Variants in ANKS3 observed in about 807,000 individuals in gnomAD.
The protein encoded by ANKS3 is ankyrin repeat and SAM domain-containing protein 3.
In ANKS3, 62 loss-of-function variants were observed where a neutral mutation model predicts 80.7. The observed-to-expected ratio is 0.77, with a 90% CI of 0.63 to 0.95. The LOEUF is 0.95. Ranked by LOEUF, ANKS3 falls within the 40% of genes least tolerant of loss-of-function variation. The pLI is 0.00. For missense variants in ANKS3, 1,150 were observed against 883.6 expected, an observed-to-expected ratio of 1.30 and a Z score of -3.82; for synonymous variants, 489 against 355.3, an observed-to-expected ratio of 1.38 and a Z score of -4.23.
Position 4,701,485 on chromosome 16 carries a change from G to T in ANKS3, c.1068C>A (p.Gly356=), listed in dbSNP as rs776831177. ...TGCTGAGCCCCTGGGCTCTGGCCAG[G>T]CCCTCGCTGCTGCTGCTGCTCTGGA... is the stretch of plus-strand genomic sequence containing the variant. ...GPVQSSSSSE[G]LARAQGLSSE... is the part of the protein sequence containing the mutation. Residue 356 remains glycine (G), a synonymous_variant, in exon 10 of 18, where the codon GGC becomes GGA. Coordinates refer to ENST00000304283, the MANE Select transcript of ANKS3 (RefSeq NM_133450.4). 1 of 1,611,964 alleles carries T rather than the reference G, an allele frequency of 6.2e-7. No homozygotes were observed. The highest frequency in any genetic ancestry group is 8.5e-7 in the Non-Finnish European group (1 of 1,178,930).
At chr16:4,709,390 G>A (rs1256536344) in intron 7 of ANKS3, among the ~76,000 whole-genome samples, 1 of 147,636 alleles carries the variant, frequency 6.8e-6, no homozygotes, top group African/African-American at 2.5e-5. Flanking sequence ...TAGGAAACAA[G>A]AGCGAAACTC....
intron 6 of ANKS3, among the ~76,000 whole-genome samples, chr16:4,721,716 G>A (rs529302279): frequency 8.6e-5 from 13 of 150,932 alleles, no homozygotes; most frequent in Admixed American, 2.0e-4. Flanking sequence ...TTGGCTCATC[G>A]CAACCTCTGC....
rs773852513 is a variant in ANKS3 at position 4,732,931 on chromosome 16, GA to G, written c.-71+1006del. ...CCTATCATTTGCAAAAACATGGATG[GA>G]AGCGGAGATCGTTATGTTTAGTGAA... On this transcript the variant is annotated intron_variant, in intron 1 of 17. Transcript: ENST00000304283. Among the ~76,000 whole-genome samples the G allele has an allele frequency of 4.6e-5, 7 of 152,208 alleles. No homozygotes were observed. The South Asian group carries it at 1.4e-3, about 32-fold the overall frequency.
At chr16:4,707,664 C>A (rs2080270456) in intron 7 of ANKS3, among the ~76,000 whole-genome samples, 1 of 152,160 alleles carries the variant, frequency 6.6e-6, no homozygotes, top group South Asian at 2.1e-4. Flanking sequence ...AATGCACCAA[C>A]TTCCTTCATA....
intron 15 of ANKS3, 81 bp downstream of exon 15, chr16:4,697,896 C>G: frequency 7.7e-7 from 1 of 1,304,576 alleles, no homozygotes. Context: ...AGAACCAGGC[C>G]AAGCCCACTG....
At position 4,705,014 on chromosome 16, in the gene ANKS3, C is replaced by G. The variant is rs1315794749; in HGVS notation, c.868+81G>C. On this transcript the variant is annotated intron_variant, in intron 8 of 17. Coordinates refer to ENST00000304283, the MANE Select transcript of ANKS3 (RefSeq NM_133450.4). Reference sequence around the variant, plus strand: ...GGTCCAGCGACCCACATTTCAGGAGCCTAAGAGCTATTCCATTCTTGCCAA... The same window carrying G: ...GGTCCAGCGACCCACATTTCAGGAGGCTAAGAGCTATTCCATTCTTGCCAA... 4 of 1,550,214 alleles carry G rather than the reference C, an allele frequency of 2.6e-6. No homozygotes were observed. In the East Asian group the frequency reaches 6.8e-5, roughly 26 times the overall value.
At chr16:4,709,795 G>C (rs1285594319) in intron 7 of ANKS3, among the ~76,000 whole-genome samples, 1 of 152,168 alleles carries the variant, frequency 6.6e-6, no homozygotes, top group Non-Finnish European at 1.5e-5. Context: ...AGGATCACTT[G>C]AGCCCAGGAG....
chr16:4,698,776 C>T (rs770272434), intron 13 of ANKS3, 24 bp downstream of exon 13: 2 of 1,583,538 alleles, frequency 1.3e-6, no homozygotes, highest in South Asian at 1.2e-5. Context: ...ACCCTGCCCC[C>T]CCATCCCCCA....
In ANKS3 at chr16:4,698,073, C is replaced by G. The variant is rs775426557; in HGVS notation, c.1725-11G>C. The stretch of plus-strand genomic sequence containing the variant: ...TCAGCTTGACAGGCTCTGCCAGACA[C>G]AGAAACAAATATTGGTGAGAGCAGA... On this transcript the variant is annotated splice_polypyrimidine_tract_variant and intron_variant, in intron 14 of 17. Coordinates refer to ENST00000304283, the MANE Select transcript of ANKS3 (RefSeq NM_133450.4). The G allele has an allele frequency of 1.2e-6, 2 of 1,601,742 alleles. No homozygotes were observed. Among genetic ancestry groups the G allele is most frequent in the Non-Finnish European group, 1.7e-6 (2 of 1,174,780 alleles).
intron 7 of ANKS3, 30 bp from the exon 8 acceptor site, chr16:4,705,283 G>A (rs919371987): frequency 1.2e-6 from 2 of 1,611,404 alleles, no homozygotes. Flanking sequence ...TTAAGATAGT[G>A]TGTTCAGTAA....
At chr16:4,706,104 G>C (rs982463744) in intron 7 of ANKS3, among the ~76,000 whole-genome samples, 10 of 151,950 alleles carry the variant, frequency 6.6e-5, no homozygotes, top group African/African-American at 2.2e-4. Flanking sequence ...CATCATATTA[G>C]GCTGGTCTTG....
In ANKS3 at chr16:4,734,104, G is replaced by A. The variant is rs145689429; in HGVS notation, c.-237C>T. On this transcript the variant is annotated 5_prime_UTR_variant, in exon 1 of 18. Transcript: ENST00000304283. The stretch of plus-strand genomic sequence containing the variant: ...GCGGGACGCCCGAGCGCCGGGTCTA[G>A]GCGGGCTGCAGGTGCCGGCAAGTGC... 3.7e-5 allele frequency: 33 copies of A among 898,814 alleles called. 2 individuals carry two copies. In the East Asian group the frequency reaches 3.8e-3, roughly 104 times the overall value. The allele number at this position is 898,814 out of a possible 1,614,324, so 55.7% of individuals were successfully genotyped here.
intron 6 of ANKS3, among the ~76,000 whole-genome samples, chr16:4,719,093 G>C (rs1244082804): frequency 6.6e-6 from 1 of 152,160 alleles, no homozygotes; most frequent in East Asian, 1.9e-4. Context: ...CCAGCGCTTT[G>C]GGAGGCCAAG....
rs1348358710 is a variant in ANKS3, at chr16:4,712,662, T to C, written c.709+1389A>G. Among the ~76,000 whole-genome samples the C allele has an allele frequency of 2.6e-5, 4 of 152,178 alleles. No individual in the cohort carries two copies. The East Asian group carries it at 5.8e-4, about 22-fold the overall frequency. ...GGAATAGAAGAACTGAGGAATACTT[T>C]GTTAATAAGCTAAAATAACATATGC... On this transcript the variant is annotated intron_variant, in intron 7 of 17. Coordinates refer to ENST00000304283, the MANE Select transcript of ANKS3 (RefSeq NM_133450.4).
At chr16:4,722,904 C>T (rs1452367014) in intron 6 of ANKS3, among the ~76,000 whole-genome samples, 1 of 148,036 alleles carries the variant, frequency 6.8e-6, no homozygotes, top group African/African-American at 2.5e-5. Flanking sequence ...CCAGCCTGGG[C>T]GACACAGCAC....
At chr16:4,721,018 AAG>A (rs1555474271) in intron 6 of ANKS3, among the ~76,000 whole-genome samples, 1 of 149,936 alleles carries the variant, frequency 6.7e-6, no homozygotes, top group African/African-American at 2.4e-5. Flanking sequence ...AAAAAAAAAA[AAG>A]AGAGGCCAGG....
At chr16:4,701,234 A>AC in intron 10 of ANKS3, 100 bp from the exon 11 acceptor site, 3 of 1,482,962 alleles carry the variant, frequency 2.0e-6, no homozygotes, top group Middle Eastern at 2.3e-4. Flanking sequence ...GCTTCGTGAA[A>AC]CCCCCCACCC....
intron 5 of ANKS3, 126 bp from the exon 6 acceptor site, chr16:4,724,957 T>C (rs1194076649): frequency 1.0e-5 from 7 of 697,404 alleles, no homozygotes; most frequent in Admixed American, 8.5e-5. Context: ...ACACTGTCCC[T>C]TTCCAGAATT....
chr16:4,705,751 T>A (rs925453948), intron 7 of ANKS3, among the ~76,000 whole-genome samples: 5 of 152,022 alleles, frequency 3.3e-5, no homozygotes, highest in Non-Finnish European at 5.9e-5. Context: ...TGAGCCACCA[T>A]GCCCAGCCAG....
Sources: gnomAD v4.1 joint callset for allele counts (sites outside exome capture counted in the v4.1 genomes callset) on GRCh38, gnomAD v4.1.1 for gene constraint, MANE v1.5 for transcripts, NCBI Gene and HGNC (gene_info 2026-07-23, HGNC 2026-07-21) for gene names.